The following EHMT1 variants were observed in gnomAD, a reference collection of about 807,000 sequenced individuals.
EHMT1 encodes the protein euchromatic histone lysine methyltransferase 1.
In EHMT1, 15 loss-of-function variants were observed where a neutral mutation model predicts 147.2. The observed-to-expected ratio is 0.10, with a 90% CI of 0.07 to 0.16. EHMT1 has a LOEUF of 0.16. Among genes scored for constraint, EHMT1 ranks in the 10% least tolerant of loss-of-function variants. The probability of loss-of-function intolerance (pLI) is 1.00; values close to 1 mark genes in which losing one functional copy is unlikely to be tolerated. For missense variants in EHMT1, 1,587 were observed against 1,772.4 expected, an observed-to-expected ratio of 0.90 and a Z score of 1.88; for synonymous variants, 795 against 709.6, an observed-to-expected ratio of 1.12 and a Z score of -1.91.
At chr9:137,834,150 G>A in intron 25 of EHMT1, 199 bp from the exon 26 acceptor site, 6 of 681,718 alleles carry the variant, frequency 8.8e-6, no homozygotes, top group South Asian at 1.9e-5. Context: ...GGCAGGGTGC[G>A]GGGTGGGTGG....
chr9:137,757,735 C>T (rs1949486839), intron 8 of EHMT1, 145 bp from the exon 9 acceptor site: 1 of 1,204,612 alleles, frequency 8.3e-7, no homozygotes, highest in Admixed American at 1.8e-5. Context: ...ATGGTCTAAA[C>T]CATAGTGGGT....
At chr9:137,711,123 G>T in intron 2 of EHMT1, 93 bp downstream of exon 2, 1 of 1,352,584 alleles carries the variant, frequency 7.4e-7, no homozygotes, top group South Asian at 1.3e-5. Context: ...CCCGTCTTCT[G>T]ACTTTCTTTG....
chr9:137,777,048 T>G, intron 12 of EHMT1: 1 of 579,498 alleles, frequency 1.7e-6, no homozygotes, highest in Non-Finnish European at 3.0e-6. Context: ...TTTGGTTATG[T>G]AGATCCATTT....
intron 1 of EHMT1, among the ~76,000 whole-genome samples, chr9:137,704,759 T>C (rs1348400890): frequency 6.7e-6 from 1 of 149,014 alleles, no homozygotes; most frequent in African/African-American, 2.6e-5. Flanking sequence ...GAATTTCCCT[T>C]CCTCCTGCCT....
At chr9:137,810,562 C>T (rs1425812030) in intron 18 of EHMT1, among the ~76,000 whole-genome samples, 1 of 152,148 alleles carries the variant, frequency 6.6e-6, no homozygotes, top group African/African-American at 2.4e-5. Flanking sequence ...TTTTCTTCTC[C>T]TTTGCACATA....
chr9:137,798,984 C>T (rs1443182192), intron 17 of EHMT1, 70 bp downstream of exon 17: 3 of 1,263,266 alleles, frequency 2.4e-6, no homozygotes, highest in Non-Finnish European at 3.5e-6. Context: ...TTCTGCAGCT[C>T]CTGGTCCCAC....
chr9:137,830,487 G>C (rs1276464276), intron 25 of EHMT1, among the ~76,000 whole-genome samples: 1 of 152,164 alleles, frequency 6.6e-6, no homozygotes, highest in Non-Finnish European at 1.5e-5. Context: ...ACAGTGTAGA[G>C]TTTTTATCCA....
intron 23 of EHMT1, chr9:137,816,306 G>A: frequency 3.5e-6 from 2 of 567,502 alleles, no homozygotes; most frequent in Non-Finnish European, 6.4e-6. Context: ...TGTTGGGTCA[G>A]TCCAGCTAAA....
intron 1 of EHMT1, among the ~76,000 whole-genome samples, chr9:137,707,306 G>C (rs1028545037): frequency 1.9e-4 from 29 of 152,238 alleles, no homozygotes; most frequent in African/African-American, 6.5e-4. Flanking sequence ...AGCATCCCTT[G>C]CTGGGAGAAA....
chr9:137,654,122 C>T (rs1041228034), intron 1 of EHMT1, among the ~76,000 whole-genome samples: 17 of 152,162 alleles, frequency 1.1e-4, no homozygotes, highest in Admixed American at 8.5e-4. Flanking sequence ...TGGCTCACGC[C>T]TGTAATCCCA....
chr9:137,671,349 T>G (rs1253495091), intron 1 of EHMT1, among the ~76,000 whole-genome samples: 1 of 152,014 alleles, frequency 6.6e-6, no homozygotes, highest in African/African-American at 2.4e-5. Flanking sequence ...AGCTTTACAG[T>G]AAGAAAAAAT....
intron 19 of EHMT1, 56 bp from the exon 20 acceptor site, chr9:137,812,950 T>C: frequency 6.2e-7 from 1 of 1,600,032 alleles, no homozygotes; most frequent in Non-Finnish European, 8.6e-7. Flanking sequence ...ATCTCATCTG[T>C]ATCACATTTT....
intron 3 of EHMT1, among the ~76,000 whole-genome samples, chr9:137,725,705 G>A (rs565224397): frequency 1.3e-5 from 2 of 152,144 alleles, no homozygotes; most frequent in African/African-American, 4.8e-5. Context: ...AGATGCGCTC[G>A]AGAGACAGAG....
At chr9:137,814,112 C>G in intron 21 of EHMT1, 6 of 338,358 alleles carry the variant, frequency 1.8e-5, no homozygotes, top group South Asian at 1.4e-4. Context: ...TGTGTTCTTG[C>G]CTTTCCCATC....
At chr9:137,756,509 G>A (rs1046398373) in intron 8 of EHMT1, among the ~76,000 whole-genome samples, 2 of 152,180 alleles carry the variant, frequency 1.3e-5, no homozygotes, top group African/African-American at 4.8e-5. Context: ...GGAGACCTGG[G>A]GCGTGAGGCA....
At chr9:137,653,840 C>T (rs896797520) in intron 1 of EHMT1, among the ~76,000 whole-genome samples, 4 of 152,090 alleles carry the variant, frequency 2.6e-5, no homozygotes, top group African/African-American at 9.7e-5. Context: ...CTCATTTTCA[C>T]TGGTGCATAA....
chr9:137,762,770 A>G lies in EHMT1; in HGVS notation c.1597A>G (p.Thr533Ala), dbSNP rs1422549143. The G allele has an allele frequency of 6.2e-7, 1 of 1,614,242 alleles. No homozygotes were observed. Among genetic ancestry groups the G allele is most frequent in the South Asian group, 1.1e-5 (1 of 91,088 alleles). Residue 533 changes from threonine to alanine, a missense_variant, in exon 10 of 27, where the codon ACC becomes GCC. This residue lies in a region of EHMT1 where 124 missense variants were observed against 197.8 expected (regional missense o/e 0.63). Coordinates refer to ENST00000460843, the MANE Select transcript of EHMT1 (RefSeq NM_024757.5). ...GGAAACACCGAAGAGTCGAGAGATCACCACACTGGCCAACAACCAGTGCAT... is the reference window on the plus strand; with the variant it reads ...GGAAACACCGAAGAGTCGAGAGATCGCCACACTGGCCAACAACCAGTGCAT... ...RMETPKSREI[T>A]TLANNQCMAT...
chr9:137,643,882 C>T (rs1472655725), intron 1 of EHMT1, among the ~76,000 whole-genome samples: 1 of 152,200 alleles, frequency 6.6e-6, no homozygotes, highest in Non-Finnish European at 1.5e-5. Flanking sequence ...GACTTGACTG[C>T]TGCCTTCCAG....
At chr9:137,646,800 G>A (rs1416414389) in intron 1 of EHMT1, among the ~76,000 whole-genome samples, 1 of 152,250 alleles carries the variant, frequency 6.6e-6, no homozygotes, top group East Asian at 1.9e-4. Flanking sequence ...TTGAAAACAC[G>A]GCTATTCATG....
Sources: allele counts gnomAD v4.1 joint callset (sites outside exome capture counted in the v4.1 genomes callset), GRCh38; gene constraint gnomAD v4.1.1; regional missense constraint gnomAD v4.1.1; transcripts MANE v1.5; gene names NCBI Gene and HGNC (gene_info 2026-07-23, HGNC 2026-07-21).